The following FTO variants were observed in gnomAD, a reference collection of about 807,000 sequenced individuals.
The protein encoded by FTO is FTO alpha-ketoglutarate dependent dioxygenase.
FTO carries 47 observed loss-of-function variants against 63.9 expected under a neutral mutation model. That is an observed-to-expected ratio of 0.74 (90% CI 0.58 to 0.94). The LOEUF is 0.94. Ranked by LOEUF, FTO falls within the 40% of genes least tolerant of loss-of-function variation. The probability of loss-of-function intolerance (pLI) is 0.00; values close to 1 mark genes in which losing one functional copy is unlikely to be tolerated. For missense variants in FTO, 562 were observed against 618.1 expected (o/e 0.91, Z 0.96); for synonymous variants, 207 against 224.4 (o/e 0.92, Z 0.69).
rs1322963647 is a variant in FTO at position 53,891,809 on chromosome 16, A to T, written c.1239+2858A>T. ...GGTGGTGGCACATGCGTTAAGAGGA[A>T]ATATCTGTTATTTGTTTTGTCGCTC... On this transcript the variant is annotated intron_variant, in intron 7 of 8. Coordinates refer to ENST00000471389, the MANE Select transcript of FTO (RefSeq NM_001080432.3). Among the ~76,000 whole-genome samples, 2 of 152,218 alleles carry T rather than the reference A, an allele frequency of 1.3e-5. 1 individual carries two copies. The highest frequency in any genetic ancestry group is 2.9e-5 in the Non-Finnish European group (2 of 68,036).
chr16:53,873,982 C>G, intron 5 of FTO, 117 bp downstream of exon 5: 1 of 769,724 alleles, frequency 1.3e-6, no homozygotes, highest in Non-Finnish European at 2.3e-6. Flanking sequence ...TTCCATCTAA[C>G]TTGACTTTCG....
At chr16:53,910,251 G>C (rs899487694) in intron 7 of FTO, among the ~76,000 whole-genome samples, 3 of 152,128 alleles carry the variant, frequency 2.0e-5, no homozygotes, top group Admixed American at 2.0e-4. Flanking sequence ...AACAAGTAGA[G>C]GGGGGAGAAT....
chr16:53,708,904 T>C (rs2075696943), intron 1 of FTO, among the ~76,000 whole-genome samples: 1 of 152,234 alleles, frequency 6.6e-6, no homozygotes. Context: ...ATGAGTTCTT[T>C]ATATTTTCTA....
At chr16:54,097,759 C>T (rs1212546985) in intron 8 of FTO, among the ~76,000 whole-genome samples, 1 of 152,130 alleles carries the variant, frequency 6.6e-6, no homozygotes, top group African/African-American at 2.4e-5. Context: ...CACACGCACA[C>T]ACAAATGGCA....
At chr16:53,979,041 G>A (rs942135782) in intron 8 of FTO, among the ~76,000 whole-genome samples, 1 of 151,838 alleles carries the variant, frequency 6.6e-6, no homozygotes, top group African/African-American at 2.4e-5. Context: ...CCACCCAGAA[G>A]GTTAACATTT....
intron 3 of FTO, among the ~76,000 whole-genome samples, chr16:53,830,298 T>A (rs2079110487): frequency 6.6e-6 from 1 of 152,210 alleles, no homozygotes; most frequent in Admixed American, 6.5e-5. Context: ...AGGCAGAATA[T>A]TTGATTTTCC....
chr16:53,976,290 A>C (rs1599128442), intron 8 of FTO, among the ~76,000 whole-genome samples: 1 of 152,096 alleles, frequency 6.6e-6, no homozygotes, highest in East Asian at 1.9e-4. Context: ...ATCCACCTGA[A>C]CTTTACTTTT....
In FTO at chr16:54,117,641, C is replaced by G. The variant is rs1205858826; in HGVS notation, c.*5726C>G. On this transcript the variant is annotated 3_prime_UTR_variant, in exon 9 of 9. Coordinates refer to ENST00000471389, the MANE Select transcript of FTO (RefSeq NM_001080432.3). ...ATATTATCCCATTTGCTCTTCACAGCTTCCATTTTTCGCTAGGCGGATGGC... is the reference window on the plus strand; with the variant it reads ...ATATTATCCCATTTGCTCTTCACAGGTTCCATTTTTCGCTAGGCGGATGGC... The G allele has an allele frequency of 6.6e-6, 1 of 152,188 alleles. No homozygotes were observed. The highest frequency in any genetic ancestry group is 1.9e-4 in the East Asian group (1 of 5,204). The allele number at this position is 152,188 out of a possible 1,614,324, so 9.4% of individuals were successfully genotyped here.
At chr16:54,034,383 T>C (rs2084897064) in intron 8 of FTO, among the ~76,000 whole-genome samples, 1 of 152,192 alleles carries the variant, frequency 6.6e-6, no homozygotes, top group Non-Finnish European at 1.5e-5. Context: ...GGAAGAGTGA[T>C]GGAATATTTT....
chr16:54,093,432 A>G (rs1196487604), intron 8 of FTO, among the ~76,000 whole-genome samples: 2 of 152,240 alleles, frequency 1.3e-5, no homozygotes, highest in Non-Finnish European at 2.9e-5. Context: ...TCTGCTGAGA[A>G]GCCCAGCTCC....
At chr16:53,802,429 C>A (rs2078252238) in intron 1 of FTO, among the ~76,000 whole-genome samples, 2 of 151,944 alleles carry the variant, frequency 1.3e-5, no homozygotes, top group South Asian at 4.1e-4. Context: ...AATGGGAAAC[C>A]CATATATATG....
intron 1 of FTO, among the ~76,000 whole-genome samples, chr16:53,809,732 A>G (rs1187300592): frequency 6.6e-6 from 1 of 152,136 alleles, no homozygotes; most frequent in Non-Finnish European, 1.5e-5. Flanking sequence ...GCTTGAGGCC[A>G]GAAGTTTGAG....
At chr16:53,878,473 T>C (rs1307126698) in intron 5 of FTO, among the ~76,000 whole-genome samples, 1 of 152,198 alleles carries the variant, frequency 6.6e-6, no homozygotes, top group Non-Finnish European at 1.5e-5. Flanking sequence ...TTCTGTTTCT[T>C]GGCACAGAAA....
intron 7 of FTO, among the ~76,000 whole-genome samples, chr16:53,907,189 A>C (rs941816527): frequency 6.6e-6 from 1 of 152,192 alleles, no homozygotes; most frequent in Non-Finnish European, 1.5e-5. Flanking sequence ...AAAGTTGAAA[A>C]TATTGTTAAG....
chr16:53,855,471 A>G (rs1434764210), intron 4 of FTO, among the ~76,000 whole-genome samples: 1 of 152,182 alleles, frequency 6.6e-6, no homozygotes, highest in Non-Finnish European at 1.5e-5. Flanking sequence ...CACCTAACAC[A>G]GTACTTTGAA....
chr16:53,711,561 C>G (rs2075778523), intron 1 of FTO: 1 of 397,602 alleles, frequency 2.5e-6, no homozygotes, highest in Non-Finnish European at 4.4e-6. Context: ...CTTAGAAGAT[C>G]TGTTTAAAGG....
At chr16:53,939,301 A>G (rs1470824273) in intron 8 of FTO, among the ~76,000 whole-genome samples, 1 of 152,180 alleles carries the variant, frequency 6.6e-6, no homozygotes, top group Non-Finnish European at 1.5e-5. Flanking sequence ...ATTCAGGGAG[A>G]TGGCAAATAC....
chr16:54,117,808 C>T lies in FTO; in HGVS notation c.*5893C>T, dbSNP rs1050777157. 11 of 152,190 alleles carry T rather than the reference C, an allele frequency of 7.2e-5. No homozygotes were observed. Among genetic ancestry groups the T allele is most frequent in the African/African-American group, 1.7e-4 (7 of 41,438 alleles). 9.4% of individuals were successfully genotyped at this position (152,190 alleles called of 1,614,324 possible). A position where few individuals can be genotyped will look rare whatever the true frequency, so the allele number is the denominator to read the frequency against. ...CACCTTCTAATGGATGATCTGTGTA[C>T]AACAATTGTTTATTGACTCTGAATG... is the stretch of plus-strand genomic sequence containing the variant. On this transcript the variant is annotated 3_prime_UTR_variant, in exon 9 of 9. Transcript: ENST00000471389.
chr16:53,816,740 A>G (rs1430800480), intron 2 of FTO, among the ~76,000 whole-genome samples: 1 of 151,866 alleles, frequency 6.6e-6, no homozygotes, highest in Admixed American at 6.6e-5. Context: ...AGCACTCCCT[A>G]TCCTACTTTC....
Sources: gnomAD v4.1 joint callset for allele counts (sites outside exome capture counted in the v4.1 genomes callset) on GRCh38, gnomAD v4.1.1 for gene constraint, MANE v1.5 for transcripts, NCBI Gene and HGNC (gene_info 2026-07-23, HGNC 2026-07-21) for gene names.